Variants in AGBL1 observed in about 807,000 individuals in gnomAD.
AGBL1 encodes AGBL carboxypeptidase 1.
AGBL1 carries 130 observed loss-of-function variants against 118.9 expected under a neutral mutation model. The ratio of observed to expected loss-of-function variants is 1.09; its 90% confidence interval spans 0.95 to 1.26. The LOEUF (loss-of-function observed/expected upper bound fraction) is 1.26. Ranked by LOEUF, AGBL1 falls within the 50% of genes most tolerant of loss-of-function variation. AGBL1 has a pLI of 0.00. For synonymous variants in AGBL1, 555 were observed against 478.9 expected (o/e 1.16, Z -2.08); for missense variants, 1,584 against 1,298.1 (o/e 1.22, Z -3.38).
chr15:86,996,026 T>C (rs2141751116), intron 24 of AGBL1, among the ~76,000 whole-genome samples: 1 of 152,310 alleles, frequency 6.6e-6, no homozygotes, highest in Admixed American at 6.5e-5. Flanking sequence ...CACTGTATTT[T>C]ATCATTTTTT....
At chr15:86,201,006 A>G (rs1049609754) in intron 5 of AGBL1, among the ~76,000 whole-genome samples, 1 of 152,228 alleles carries the variant, frequency 6.6e-6, no homozygotes, top group Non-Finnish European at 1.5e-5. Flanking sequence ...AGTACAAGGC[A>G]TATAGTAATA....
At chr15:86,411,549 A>T (rs1351657911) in intron 18 of AGBL1, among the ~76,000 whole-genome samples, 1 of 152,106 alleles carries the variant, frequency 6.6e-6, no homozygotes, top group African/African-American at 2.4e-5. Context: ...TCTGAGCCAC[A>T]TAGCCCTTTT....
chr15:86,705,076 C>T (rs567018220), intron 22 of AGBL1, among the ~76,000 whole-genome samples: 9 of 152,044 alleles, frequency 5.9e-5, no homozygotes, highest in Non-Finnish European at 1.0e-4. Flanking sequence ...AAGTGGGAGT[C>T]GAACAAAGAG....
intron 22 of AGBL1, among the ~76,000 whole-genome samples, chr15:86,758,109 G>A (rs2077967861): frequency 1.3e-5 from 2 of 151,918 alleles, no homozygotes; most frequent in Non-Finnish European, 2.9e-5. Flanking sequence ...TTCTCCTATG[G>A]TAAAATCTGG....
chr15:86,850,574 C>T (rs1047124435), intron 22 of AGBL1, among the ~76,000 whole-genome samples: 1 of 152,134 alleles, frequency 6.6e-6, no homozygotes, highest in Non-Finnish European at 1.5e-5. Flanking sequence ...AACCCATCTT[C>T]CTCCCACCCT....
chr15:86,770,890 A>C (rs1327353388), intron 22 of AGBL1, among the ~76,000 whole-genome samples: 1 of 152,086 alleles, frequency 6.6e-6, no homozygotes, highest in Non-Finnish European at 1.5e-5. Context: ...AGTCCTTCTC[A>C]AACCTGGGCA....
chr15:86,599,629 G>A (rs377181891), intron 21 of AGBL1, among the ~76,000 whole-genome samples: 5 of 152,066 alleles, frequency 3.3e-5, no homozygotes, highest in Admixed American at 6.6e-5. Context: ...GCCTATAAGC[G>A]GTGATAATAT....
chr15:86,802,958 T>A (rs1251214528), intron 22 of AGBL1, among the ~76,000 whole-genome samples: 1 of 152,182 alleles, frequency 6.6e-6, no homozygotes, highest in African/African-American at 2.4e-5. Flanking sequence ...CAAATCACTA[T>A]GTGTGACCCA....
intron 22 of AGBL1, among the ~76,000 whole-genome samples, chr15:86,726,041 T>C (rs1313728977): frequency 6.6e-6 from 1 of 152,208 alleles, no homozygotes; most frequent in Non-Finnish European, 1.5e-5. Flanking sequence ...AATGAACAGA[T>C]AAATGTGAGA....
chr15:86,232,494 C>A (rs1215443543), intron 6 of AGBL1, among the ~76,000 whole-genome samples: 1 of 152,122 alleles, frequency 6.6e-6, no homozygotes, highest in Non-Finnish European at 1.5e-5. Flanking sequence ...GCTTGCGTGT[C>A]TTGAAGGAAA....
chr15:86,200,578 C>T (rs571841445), intron 5 of AGBL1, among the ~76,000 whole-genome samples: 2 of 120,206 alleles, frequency 1.7e-5, no homozygotes, highest in Non-Finnish European at 3.3e-5. Context: ...TTTTTGCTCC[C>T]ATCATGGTGT....
chr15:87,024,342 T>G (rs1303192120), intron 24 of AGBL1, among the ~76,000 whole-genome samples: 1 of 152,080 alleles, frequency 6.6e-6, no homozygotes, highest in Non-Finnish European at 1.5e-5. Context: ...TTAAGGCTAC[T>G]ATGAACATCT....
intron 18 of AGBL1, among the ~76,000 whole-genome samples, chr15:86,510,012 A>G (rs1337518837): frequency 6.6e-6 from 1 of 151,048 alleles, no homozygotes; most frequent in Non-Finnish European, 1.5e-5. Context: ...CTACCAGGAA[A>G]TCAAGGAAAA....
At chr15:86,186,365 A>G (rs763515234) in intron 5 of AGBL1, among the ~76,000 whole-genome samples, 34 of 152,324 alleles carry the variant, frequency 2.2e-4, no homozygotes, top group Non-Finnish European at 4.3e-4. Context: ...CCCGGAACTT[A>G]AAATAAAAGT....
rs2079070266 is a variant in AGBL1 at position 86,266,310 on chromosome 15, C to T, written c.1668-64C>T. On this transcript the variant is annotated intron_variant, in intron 11 of 22. Coordinates refer to ENST00000614907, the MANE Select transcript of AGBL1 (RefSeq NM_001386094.1). ...ACCCCCAAAGTTCTTCCCAGGTGAT[C>T]ACAGGATGAGTGAGCTAGGGAGAGA... The T allele has an allele frequency of 3.1e-6, 4 of 1,270,490 alleles. No individual in the cohort carries two copies. The Admixed American group carries it at 9.3e-5, about 29-fold the overall frequency. 78.7% of individuals were successfully genotyped at this position (1,270,490 alleles called of 1,614,324 possible). A position where few individuals can be genotyped will look rare whatever the true frequency, so the allele number is the denominator to read the frequency against.
chr15:86,521,017 A>G (rs1186152211), intron 18 of AGBL1, among the ~76,000 whole-genome samples: 3 of 152,214 alleles, frequency 2.0e-5, no homozygotes, highest in Non-Finnish European at 4.4e-5. Flanking sequence ...GAAAGGGAGA[A>G]AAAAAGCAGG....
chr15:86,370,132 C>T (rs991696538), intron 17 of AGBL1, among the ~76,000 whole-genome samples: 14 of 151,944 alleles, frequency 9.2e-5, no homozygotes, highest in African/African-American at 3.1e-4. Context: ...AACTGAAGGA[C>T]AATGAAAACA....
At position 86,473,272 on chromosome 15, in the gene AGBL1, A is replaced by C. The variant is rs80252702; in HGVS notation, c.2556-49538A>C. Among the ~76,000 whole-genome samples the C allele has an allele frequency of 4.5e-3, 685 of 152,318 alleles. 3 individuals carry two copies. The highest frequency in any genetic ancestry group is 0.016 in the African/African-American group (645 of 41,566). On this transcript the variant is annotated intron_variant, in intron 18 of 22. Coordinates refer to ENST00000614907, the MANE Select transcript of AGBL1 (RefSeq NM_001386094.1). ...TTTCCAGGGAAGGACTGAATGTGAT[A>C]GGAAGAGTGAGGCCCCCTCCCAGGG...
At chr15:86,607,290 T>C (rs1025947558) in intron 21 of AGBL1, among the ~76,000 whole-genome samples, 8 of 152,146 alleles carry the variant, frequency 5.3e-5, no homozygotes, top group Non-Finnish European at 1.2e-4. Context: ...CCAATTGGGG[T>C]TTCTATTTCA....
Sources: gnomAD v4.1 joint callset for allele counts (sites outside exome capture counted in the v4.1 genomes callset) on GRCh38, gnomAD v4.1.1 for gene constraint, MANE v1.5 for transcripts, NCBI Gene and HGNC (gene_info 2026-07-23, HGNC 2026-07-21) for gene names.